The following TTC28 variants were observed in gnomAD, a reference collection of about 807,000 sequenced individuals.
The protein encoded by TTC28 is tetratricopeptide repeat domain 28.
A neutral mutation model predicts 198.0 loss-of-function variants in TTC28; 61 were observed. That is an observed-to-expected ratio of 0.31 (90% CI 0.25 to 0.38). TTC28 has a LOEUF of 0.38. Among genes scored for constraint, TTC28 ranks in the 10% least tolerant of loss-of-function variants. The pLI, the probability that TTC28 is intolerant of heterozygous loss-of-function variation, is 1.00. For missense variants in TTC28, 2,678 were observed against 3,164.0 expected (o/e 0.85, Z 3.69); for synonymous variants, 1,171 against 1,297.8 (o/e 0.90, Z 2.10).
intron 12 of TTC28, among the ~76,000 whole-genome samples, chr22:28,069,724 T>C (rs1167242286): frequency 1.3e-5 from 2 of 152,132 alleles, no homozygotes; most frequent in Admixed American, 6.6e-5. Flanking sequence ...GAAACTTTCA[T>C]CCAACTATTA....
chr22:28,252,838 C>T (rs1047620359), intron 5 of TTC28, among the ~76,000 whole-genome samples: 1 of 152,156 alleles, frequency 6.6e-6, no homozygotes, highest in Non-Finnish European at 1.5e-5. Flanking sequence ...TTGACTGATT[C>T]ATTACCAAAT....
At chr22:28,416,538 A>C (rs1021560654) in intron 2 of TTC28, among the ~76,000 whole-genome samples, 1 of 152,166 alleles carries the variant, frequency 6.6e-6, no homozygotes, top group Admixed American at 6.5e-5. Flanking sequence ...CAGGCTGTAA[A>C]ATGGAACTTG....
At chr22:28,418,987 C>G (rs2047207469) in intron 2 of TTC28, among the ~76,000 whole-genome samples, 1 of 152,132 alleles carries the variant, frequency 6.6e-6, no homozygotes, top group East Asian at 1.9e-4. Context: ...TCAAGATTTA[C>G]TGAGACAGAC....
intron 2 of TTC28, among the ~76,000 whole-genome samples, chr22:28,478,133 T>C (rs560570803): frequency 1.2e-4 from 18 of 152,308 alleles, no homozygotes; most frequent in African/African-American, 4.3e-4. Flanking sequence ...CAAGTGGAAG[T>C]TTAAACATAC....
chr22:28,356,741 G>A (rs2046082754), intron 2 of TTC28, among the ~76,000 whole-genome samples: 1 of 150,800 alleles, frequency 6.6e-6, no homozygotes, highest in African/African-American at 2.4e-5. Flanking sequence ...CAGGGGAGTG[G>A]GCAGCTGAGA....
At chr22:28,100,484 A>G (rs1402173047) in intron 9 of TTC28, among the ~76,000 whole-genome samples, 1 of 152,236 alleles carries the variant, frequency 6.6e-6, no homozygotes, top group Non-Finnish European at 1.5e-5. Flanking sequence ...GTCTTTAATC[A>G]TTTTAAAAGT....
At chr22:28,289,277 C>T (rs2044743119) in intron 5 of TTC28, among the ~76,000 whole-genome samples, 1 of 152,050 alleles carries the variant, frequency 6.6e-6, no homozygotes, top group Non-Finnish European at 1.5e-5. Flanking sequence ...GTATGAAGCT[C>T]AAGAGACAAA....
intron 2 of TTC28, among the ~76,000 whole-genome samples, chr22:28,428,519 ACTT>A (rs1459592080): frequency 2.0e-5 from 3 of 152,002 alleles, no homozygotes; most frequent in Non-Finnish European, 4.4e-5. Flanking sequence ...TTCTATTCTG[ACTT>A]CTTGTCTAGA....
intron 5 of TTC28, among the ~76,000 whole-genome samples, chr22:28,282,639 G>C (rs1332163434): frequency 6.6e-6 from 1 of 152,124 alleles, no homozygotes; most frequent in Non-Finnish European, 1.5e-5. Flanking sequence ...TGATGAACTA[G>C]CAGCCCAAAG....
chr22:28,162,342 AT>A, intron 6 of TTC28, among the ~76,000 whole-genome samples: 1 of 152,218 alleles, frequency 6.6e-6, no homozygotes, highest in East Asian at 1.9e-4. Context: ...AATACACATA[AT>A]TTTGAGGAAA....
At chr22:28,510,706 A>G (rs1167843801) in intron 2 of TTC28, among the ~76,000 whole-genome samples, 1 of 152,154 alleles carries the variant, frequency 6.6e-6, no homozygotes, top group Non-Finnish European at 1.5e-5. Context: ...GGAAGAGAAG[A>G]AGTCAAATTA....
At chr22:28,015,597 A>G (rs980874335) in intron 13 of TTC28, among the ~76,000 whole-genome samples, 2 of 149,892 alleles carry the variant, frequency 1.3e-5, no homozygotes, top group East Asian at 4.0e-4. Context: ...TAATTTGTAA[A>G]TTTTTTTTTG....
chr22:27,981,973 G>C lies in TTC28; in HGVS notation c.*248C>G. ...GTTCAAAGGTAAACAAACATTTGGT[G>C]AAGTGTGTAGGAAATTCCATGAGCC... is the stretch of plus-strand genomic sequence containing the variant. On this transcript the variant is annotated 3_prime_UTR_variant, in exon 23 of 23. Coordinates refer to ENST00000397906, the MANE Select transcript of TTC28 (RefSeq NM_001145418.2). The C allele has an allele frequency of 2.4e-6, 1 of 410,246 alleles. No homozygotes were observed. Among genetic ancestry groups the C allele is most frequent in the Non-Finnish European group, 4.3e-6 (1 of 233,572 alleles). 25.4% of individuals were successfully genotyped at this position (410,246 alleles called of 1,614,324 possible). A position where few individuals can be genotyped will look rare whatever the true frequency, so the allele number is the denominator to read the frequency against.
intron 5 of TTC28, among the ~76,000 whole-genome samples, chr22:28,187,334 T>C (rs1382199510): frequency 6.6e-6 from 1 of 152,240 alleles, no homozygotes; most frequent in Non-Finnish European, 1.5e-5. Context: ...GTATGATAAT[T>C]TGAATTTCAT....
At chr22:28,663,322 G>T (rs1372361549) in intron 1 of TTC28, among the ~76,000 whole-genome samples, 1 of 151,044 alleles carries the variant, frequency 6.6e-6, no homozygotes, top group East Asian at 1.9e-4. Context: ...AACAGCTCCG[G>T]TCTACAGCTC....
intron 21 of TTC28, among the ~76,000 whole-genome samples, chr22:27,988,934 A>G (rs534162900): frequency 6.6e-6 from 1 of 152,322 alleles, no homozygotes; most frequent in African/African-American, 2.4e-5. Context: ...TTCTCCCAGT[A>G]GAGTGCAAGC....
At chr22:28,186,156 C>G (rs1444440997) in intron 5 of TTC28, among the ~76,000 whole-genome samples, 1 of 152,090 alleles carries the variant, frequency 6.6e-6, no homozygotes, top group Non-Finnish European at 1.5e-5. Context: ...AAGAAAAAAT[C>G]TGCAACAATT....
chr22:28,178,689 G>C (rs1323085931), intron 5 of TTC28, among the ~76,000 whole-genome samples: 1 of 152,180 alleles, frequency 6.6e-6, no homozygotes, highest in Non-Finnish European at 1.5e-5. Context: ...GATGAATTCT[G>C]TCTGTCCACC....
At chr22:28,006,405 C>T (rs982357398) in intron 14 of TTC28, 3 of 152,220 alleles carry the variant, frequency 2.0e-5, no homozygotes, top group Admixed American at 6.5e-5. Flanking sequence ...GTCTTCAGTG[C>T]TTGGAATAAA....
Sources: allele counts gnomAD v4.1 joint callset (sites outside exome capture counted in the v4.1 genomes callset), GRCh38; gene constraint gnomAD v4.1.1; transcripts MANE v1.5; gene names NCBI Gene and HGNC (gene_info 2026-07-23, HGNC 2026-07-21).